DNAJC6: variants seen among roughly 807,000 people sequenced by gnomAD.
The protein encoded by DNAJC6 is DnaJ heat shock protein family (Hsp40) member C6, also known as auxilin.
In DNAJC6, 34 loss-of-function variants were observed where a neutral mutation model predicts 110.0. The observed-to-expected ratio is 0.31, with a 90% CI of 0.24 to 0.41. The LOEUF (loss-of-function observed/expected upper bound fraction) is 0.41, where lower values mean the gene tolerates loss of function less well. Among genes scored for constraint, DNAJC6 ranks in the 10% least tolerant of loss-of-function variants. The pLI, the probability that DNAJC6 is intolerant of heterozygous loss-of-function variation, is 1.00. For missense variants in DNAJC6, 1,031 were observed against 1,207.8 expected (o/e 0.85, Z 2.17); for synonymous variants, 406 against 437.2 (o/e 0.93, Z 0.89).
At chr1:65,400,465 T>A (rs531654932) in intron 14 of DNAJC6, among the ~76,000 whole-genome samples, 2 of 152,184 alleles carry the variant, frequency 1.3e-5, no homozygotes, top group African/African-American at 4.8e-5. Context: ...CTTTAACCAA[T>A]GCCTCCTCAT....
chr1:65,365,401 C>T (rs1406122999), intron 2 of DNAJC6, among the ~76,000 whole-genome samples: 3 of 152,126 alleles, frequency 2.0e-5, no homozygotes, highest in South Asian at 2.1e-4. Context: ...GAAATTCAAA[C>T]GTCAAGTACA....
intron 4 of DNAJC6, among the ~76,000 whole-genome samples, chr1:65,374,596 A>G (rs1436182664): frequency 6.6e-6 from 1 of 152,106 alleles, no homozygotes; most frequent in African/African-American, 2.4e-5. Context: ...CTGTTAGTAA[A>G]TATGAATGCT....
intron 1 of DNAJC6, among the ~76,000 whole-genome samples, chr1:65,270,494 T>C (rs1653468480): frequency 6.6e-6 from 1 of 152,118 alleles, no homozygotes; most frequent in African/African-American, 2.4e-5. Context: ...TTCAATAAGG[T>C]ATTTATGGCT....
At chr1:65,403,597 T>G (rs892649362) in intron 15 of DNAJC6, among the ~76,000 whole-genome samples, 8 of 152,222 alleles carry the variant, frequency 5.3e-5, no homozygotes, top group African/African-American at 1.7e-4. Context: ...TATCCGCTAC[T>G]GTAGGGGCTA....
At chr1:65,364,474 A>G (rs1260570373) in intron 1 of DNAJC6, among the ~76,000 whole-genome samples, 161 bp from the exon 2 acceptor site, 4 of 152,174 alleles carry the variant, frequency 2.6e-5, no homozygotes, top group African/African-American at 9.7e-5. Flanking sequence ...GCTATAACTC[A>G]GAGTCTATAA....
chr1:65,369,611 G>A (rs947939773), intron 4 of DNAJC6, among the ~76,000 whole-genome samples: 1 of 152,140 alleles, frequency 6.6e-6, no homozygotes, highest in Non-Finnish European at 1.5e-5. Context: ...ACTCGTGGGA[G>A]TCTGGATCTG....
At chr1:65,366,218 A>G (rs1183673746) in intron 4 of DNAJC6, 22 bp downstream of exon 4, 2 of 1,612,636 alleles carry the variant, frequency 1.2e-6, no homozygotes, top group African/African-American at 1.3e-5. Context: ...TAGCCCTGAG[A>G]TCATACTGTT....
chr1:65,344,437 A>G (rs1040947378), intron 1 of DNAJC6, among the ~76,000 whole-genome samples: 1 of 152,162 alleles, frequency 6.6e-6, no homozygotes, highest in Non-Finnish European at 1.5e-5. Context: ...CCTCCAAAGC[A>G]TGACATCCGA....
At chr1:65,316,732 A>G (rs1645152279) in intron 1 of DNAJC6, among the ~76,000 whole-genome samples, 1 of 152,270 alleles carries the variant, frequency 6.6e-6, no homozygotes, top group African/African-American at 2.4e-5. Flanking sequence ...GTTGGTCGAA[A>G]GCTAGACCAA....
chr1:65,314,152 A>G (rs1304769336), intron 1 of DNAJC6, among the ~76,000 whole-genome samples: 1 of 151,706 alleles, frequency 6.6e-6, no homozygotes, highest in African/African-American at 2.4e-5. Context: ...TTTGTTCTAT[A>G]TATTTAAATA....
At chr1:65,272,625 A>AGT (rs1653541764) in intron 1 of DNAJC6, among the ~76,000 whole-genome samples, 1 of 152,246 alleles carries the variant, frequency 6.6e-6, no homozygotes, top group Non-Finnish European at 1.5e-5. Context: ...AATGTCTGGA[A>AGT]GAATTCACTG....
chr1:65,364,674 G>A lies in DNAJC6; in HGVS notation c.233G>A (p.Gly78Asp). Residue 78 changes from glycine (G) to aspartate (D), a missense_variant, in exon 2 of 19, where the codon GGT (glycine) becomes GAT (aspartate). By Grantham distance (94) the Gly-to-Asp change is moderately conservative (BLOSUM62 -1). Transcript: ENST00000371069. ...GACATGGAGCCCAGCTATGGGGGAG[G>A]TCTCTTTGACATGGTAAAAGGAGGT... ...SPDMEPSYGGGLFDMVKGGAG... is the reference protein window; with the variant it reads ...SPDMEPSYGGDLFDMVKGGAG... 6.2e-7 allele frequency: 1 copy of A among 1,612,542 alleles called. No homozygotes were observed. Among genetic ancestry groups the A allele is most frequent in the Non-Finnish European group, 8.5e-7 (1 of 1,179,512 alleles).
intron 4 of DNAJC6, among the ~76,000 whole-genome samples, chr1:65,376,384 T>G (rs1200008957): frequency 6.6e-6 from 1 of 152,036 alleles, no homozygotes; most frequent in Non-Finnish European, 1.5e-5. Context: ...TTCAATTTTC[T>G]TAATTTTTGC....
At chr1:65,370,360 A>G (rs939276191) in intron 4 of DNAJC6, among the ~76,000 whole-genome samples, 3 of 152,124 alleles carry the variant, frequency 2.0e-5, no homozygotes, top group Admixed American at 6.6e-5. Context: ...CTATACTTAA[A>G]CCTTTCTCAT....
intron 1 of DNAJC6, among the ~76,000 whole-genome samples, chr1:65,311,562 G>A (rs1460587460): frequency 2.0e-5 from 3 of 152,086 alleles, no homozygotes; most frequent in African/African-American, 4.8e-5. Flanking sequence ...GTTATTCAAT[G>A]TATGTTTTTT....
intron 1 of DNAJC6, among the ~76,000 whole-genome samples, chr1:65,314,019 A>C (rs958959135): frequency 1.3e-5 from 2 of 152,218 alleles, no homozygotes; most frequent in Non-Finnish European, 2.9e-5. Context: ...TAATTTACCA[A>C]GTTCATAATG....
chr1:65,288,655 G>A (rs1654097032), intron 1 of DNAJC6, among the ~76,000 whole-genome samples: 2 of 152,118 alleles, frequency 1.3e-5, no homozygotes, highest in Non-Finnish European at 2.9e-5. Flanking sequence ...CAACCCAGAA[G>A]CCCCTTTCTA....
chr1:65,405,400 A>T (rs1231672811), intron 15 of DNAJC6, among the ~76,000 whole-genome samples: 1 of 152,214 alleles, frequency 6.6e-6, no homozygotes, highest in Admixed American at 6.5e-5. Context: ...ATTGAAGTTT[A>T]AGTAGCACCT....
chr1:65,266,019 G>A (rs1473744638), intron 1 of DNAJC6, among the ~76,000 whole-genome samples: 1 of 152,254 alleles, frequency 6.6e-6, no homozygotes, highest in African/African-American at 2.4e-5. Context: ...TTGCCCCTTG[G>A]GCTCGGGGGC....
Sources: allele counts gnomAD v4.1 joint callset (sites outside exome capture counted in the v4.1 genomes callset), GRCh38; gene constraint gnomAD v4.1.1; transcripts MANE v1.5; gene names NCBI Gene and HGNC (gene_info 2026-07-23, HGNC 2026-07-21).